Variants in UBR3 observed in about 807,000 individuals in gnomAD.
The protein encoded by UBR3 is E3 ubiquitin-protein ligase UBR3.
Under a neutral mutation model 243.2 loss-of-function variants are expected in UBR3, and 85 were observed. That is an observed-to-expected ratio of 0.35 (90% confidence interval 0.29 to 0.42). The LOEUF (loss-of-function observed/expected upper bound fraction) is 0.42, where lower values mean the gene tolerates loss of function less well. Among genes scored for constraint, UBR3 ranks in the 10% least tolerant of loss-of-function variants. UBR3 has a pLI of 1.00. For missense variants in UBR3, 1,686 were observed against 2,300.8 expected (o/e 0.73, Z 5.47); for synonymous variants, 748 against 799.8 (o/e 0.94, Z 1.09).
intron 24 of UBR3, chr2:169,964,305 T>A (rs2087712581): frequency 2.4e-6 from 1 of 419,546 alleles, no homozygotes; most frequent in Non-Finnish European, 4.9e-6. Context: ...TTCACCCATG[T>A]CAGTATGTTT....
chr2:169,930,526 A>G (rs184283675), intron 18 of UBR3, among the ~76,000 whole-genome samples: 4 of 152,062 alleles, frequency 2.6e-5, no homozygotes, highest in Admixed American at 2.6e-4. Flanking sequence ...AGCTGGGACC[A>G]TAGACACCCA....
At chr2:169,888,348 A>C (rs60663608) in intron 5 of UBR3, among the ~76,000 whole-genome samples, 2 of 151,348 alleles carry the variant, frequency 1.3e-5, no homozygotes, top group African/African-American at 4.9e-5. Context: ...CATACAGGTC[A>C]GGCTGATCTC....
At chr2:169,979,396 G>C (rs1482808210) in intron 24 of UBR3, among the ~76,000 whole-genome samples, 4 of 152,132 alleles carry the variant, frequency 2.6e-5, no homozygotes, top group African/African-American at 4.8e-5. Context: ...TGTGCTCTTA[G>C]ATATTTATTT....
intron 35 of UBR3, among the ~76,000 whole-genome samples, chr2:170,071,086 C>T (rs755591450): frequency 9.2e-5 from 14 of 152,020 alleles, no homozygotes; most frequent in Admixed American, 2.6e-4. Context: ...CAAGTGTTGG[C>T]GAGGATTTGA....
chr2:170,011,751 T>C (rs1354068443), intron 29 of UBR3, among the ~76,000 whole-genome samples: 1 of 152,014 alleles, frequency 6.6e-6, no homozygotes, highest in Admixed American at 6.6e-5. Context: ...CATTCAAATT[T>C]AAAATGATCT....
At chr2:169,869,270 C>T (rs866987973) in intron 1 of UBR3, among the ~76,000 whole-genome samples, 5 of 126,418 alleles carry the variant, frequency 4.0e-5, no homozygotes, top group Admixed American at 9.9e-5. Flanking sequence ...CACCTAGGCT[C>T]GAGTGCAGTG....
intron 10 of UBR3, 110 bp downstream of exon 10, chr2:169,906,274 A>G: frequency 7.8e-7 from 1 of 1,283,090 alleles, no homozygotes; most frequent in Non-Finnish European, 1.0e-6. Context: ...TTTCAAATTG[A>G]ATTCAGCTTT....
At chr2:170,042,336 T>A (rs1312429598) in intron 32 of UBR3, among the ~76,000 whole-genome samples, 1 of 152,202 alleles carries the variant, frequency 6.6e-6, no homozygotes. Flanking sequence ...TTCCATTGTA[T>A]GGATATACAA....
chr2:169,948,059 G>A (rs576135330), intron 22 of UBR3: 1 of 517,164 alleles, frequency 1.9e-6, no homozygotes, highest in South Asian at 8.5e-5. Context: ...TTTAAAAGAA[G>A]GTTTCTTGGA....
chr2:169,876,352 T>C (rs1284961480), intron 3 of UBR3, among the ~76,000 whole-genome samples: 1 of 152,208 alleles, frequency 6.6e-6, no homozygotes, highest in Non-Finnish European at 1.5e-5. Flanking sequence ...AGTGCTGGGA[T>C]TACAGGCGTG....
chr2:169,828,089 G>A, intron 1 of UBR3, 37 bp downstream of exon 1: 1 of 1,351,842 alleles, frequency 7.4e-7, no homozygotes, highest in Non-Finnish European at 9.5e-7. Flanking sequence ...GGCGACCCTG[G>A]GCCGGGGACG....
intron 4 of UBR3, 146 bp from the exon 5 acceptor site, chr2:169,878,379 T>G: frequency 3.0e-6 from 2 of 657,562 alleles, no homozygotes; most frequent in Non-Finnish European, 2.5e-6. Flanking sequence ...AAAAAAAAAG[T>G]TGGACTTTGC....
chr2:170,053,606 G>A (rs961186288), intron 32 of UBR3, among the ~76,000 whole-genome samples: 3 of 152,206 alleles, frequency 2.0e-5, no homozygotes, highest in African/African-American at 7.2e-5. Context: ...ACCTGGCAGT[G>A]GTCTTGGGGA....
chr2:169,854,151 C>G (rs1418160065), intron 1 of UBR3, among the ~76,000 whole-genome samples: 1 of 152,228 alleles, frequency 6.6e-6, no homozygotes, highest in Admixed American at 6.5e-5. Context: ...CAAACTTGCA[C>G]ATTCTGCACA....
intron 29 of UBR3, among the ~76,000 whole-genome samples, chr2:170,013,233 T>G (rs925595605): frequency 1.3e-5 from 2 of 152,146 alleles, no homozygotes; most frequent in Non-Finnish European, 2.9e-5. Context: ...TGTGTGTTCT[T>G]TAGCATGTCT....
At position 169,881,737 on chromosome 2, in the gene UBR3, TATATA is replaced by T. The variant is rs911054725; in HGVS notation, c.1038+3169_1038+3173del. 5.7e-5 allele frequency among the ~76,000 whole-genome samples: 8 copies of T among 139,818 alleles called. No individual in the cohort carries two copies. The Admixed American group carries it at 6.1e-4, about 11-fold the overall frequency. The allele number at this position is 139,818 out of a possible 152,430, so 91.7% of individuals were successfully genotyped here. A position where few individuals can be genotyped will look rare whatever the true frequency, so the allele number is the denominator to read the frequency against. ...GTATATGTATATTTATATTATATAT[TATATA>T]ATATATATTATATATTAATAAATTA... On this transcript the variant is annotated intron_variant, in intron 5 of 38. Transcript: ENST00000272793.
At position 170,001,487 on chromosome 2, in the gene UBR3, A is replaced by T. The variant is rs943318955; in HGVS notation, c.4029+73A>T. On this transcript the variant is annotated intron_variant, in intron 27 of 38. Transcript: ENST00000272793. ...TATTAAATCTTTTTATAGTATATAC[A>T]TCCCAATTCCAGCTCATCTTTTTAG... is the stretch of plus-strand genomic sequence containing the variant. 15 of 855,136 alleles carry T rather than the reference A, an allele frequency of 1.8e-5. No individual in the cohort carries two copies. In the African/African-American group the frequency reaches 1.9e-4, roughly 11 times the overall value. 53.0% of individuals were successfully genotyped at this position (855,136 alleles called of 1,614,324 possible). A position where few individuals can be genotyped will look rare whatever the true frequency, so the allele number is the denominator to read the frequency against.
chr2:169,869,201 G>A (rs1292265238), intron 1 of UBR3, among the ~76,000 whole-genome samples: 2 of 129,920 alleles, frequency 1.5e-5, no homozygotes, highest in Admixed American at 1.6e-4. Context: ...TTCTGGTGAT[G>A]CTAAGATTGA....
At chr2:169,836,054 TATATATA>T in intron 1 of UBR3, among the ~76,000 whole-genome samples, 5 of 49,620 alleles carry the variant, frequency 1.0e-4, no homozygotes, top group African/African-American at 2.3e-4. Flanking sequence ...TATATATATA[TATATATA>T]TATATATTTT....
Sources: allele counts gnomAD v4.1 joint callset (sites outside exome capture counted in the v4.1 genomes callset), GRCh38; gene constraint gnomAD v4.1.1; transcripts MANE v1.5; gene names NCBI Gene and HGNC (gene_info 2026-07-23, HGNC 2026-07-21).